TTC23: variants seen among roughly 807,000 people sequenced by gnomAD.
The protein encoded by TTC23 is tetratricopeptide repeat domain 23, also known as tetratricopeptide repeat protein 23.
Under a neutral mutation model 55.1 loss-of-function variants are expected in TTC23, and 58 were observed. The observed-to-expected ratio is 1.05, with a 90% CI of 0.85 to 1.31. TTC23 has a LOEUF of 1.31. Ranked by LOEUF, TTC23 falls within the 50% of genes most tolerant of loss-of-function variation. TTC23 has a pLI of 0.00. For synonymous variants in TTC23, 203 were observed against 199.9 expected, an observed-to-expected ratio of 1.02 and a Z score of -0.13; for missense variants, 516 against 534.4, an observed-to-expected ratio of 0.97 and a Z score of 0.34.
chr15:99,202,428 T>G (rs774117610), intron 8 of TTC23, among the ~76,000 whole-genome samples: 1 of 152,158 alleles, frequency 6.6e-6, no homozygotes, highest in Non-Finnish European at 1.5e-5. Context: ...GATAATTTCA[T>G]CTGGGCAACT....
chr15:99,191,461 G>A (rs760236137), intron 9 of TTC23, among the ~76,000 whole-genome samples: 4 of 152,190 alleles, frequency 2.6e-5, no homozygotes, highest in Non-Finnish European at 5.9e-5. Flanking sequence ...CACTTACATG[G>A]TTTGGCTCTG....
intron 9 of TTC23, among the ~76,000 whole-genome samples, chr15:99,199,449 T>C (rs1447402652): frequency 3.7e-5 from 5 of 133,564 alleles, no homozygotes; most frequent in Non-Finnish European, 6.3e-5. Flanking sequence ...AAAACCAAAG[T>C]GTGTGTGTTT....
intron 9 of TTC23, among the ~76,000 whole-genome samples, chr15:99,184,384 T>C (rs1173001210): frequency 1.3e-5 from 2 of 152,180 alleles, no homozygotes; most frequent in Non-Finnish European, 1.5e-5. Flanking sequence ...AGAGGGGGGT[T>C]GTACCCTGCA....
intron 5 of TTC23, among the ~76,000 whole-genome samples, chr15:99,227,214 G>A (rs535332790): frequency 6.6e-6 from 1 of 152,262 alleles, no homozygotes; most frequent in African/African-American, 2.4e-5. Context: ...TTGTTATACT[G>A]ATGAAGGTCA....
At chr15:99,244,030 C>T (rs1394838242) in intron 2 of TTC23, among the ~76,000 whole-genome samples, 1 of 152,100 alleles carries the variant, frequency 6.6e-6, no homozygotes, top group Admixed American at 6.5e-5. Flanking sequence ...CACAGATACC[C>T]ACTTACTCTG....
At chr15:99,175,521 C>T (rs537475120) in intron 9 of TTC23, among the ~76,000 whole-genome samples, 133 of 152,342 alleles carry the variant, frequency 8.7e-4, no homozygotes, top group African/African-American at 3.0e-3. Flanking sequence ...CAGTGCCCTG[C>T]CTACCCGCCA....
chr15:99,156,151 C>G lies in TTC23; in HGVS notation c.1140G>C (p.Lys380Asn), dbSNP rs2070524970. ...GNHSGARKKL[K>N]KCLQIQTLLY... Reference sequence around the variant, plus strand: ...TTAGTACTGGTTCCAGCTTTACCTTCTTCAGTTTCTTGCGGGCCCCACTGT... The same window carrying G: ...TTAGTACTGGTTCCAGCTTTACCTTGTTCAGTTTCTTGCGGGCCCCACTGT... The change falls in exon 12 of 14, where the codon AAG (lysine) becomes AAC (asparagine). Residue 380 changes from lysine to asparagine, a missense_variant. Transcript: ENST00000394132. 1 of 1,614,068 alleles carries G rather than the reference C, an allele frequency of 6.2e-7. No individual in the cohort carries two copies. Among genetic ancestry groups the G allele is most frequent in the African/African-American group, 1.3e-5 (1 of 74,918 alleles).
In TTC23 at chr15:99,180,745, T is replaced by C. The variant is rs548454631; in HGVS notation, c.760-5590A>G. Among the ~76,000 whole-genome samples the C allele has an allele frequency of 1.2e-3, 185 of 152,208 alleles. 1 individual carries two copies. The highest frequency in any genetic ancestry group is 4.8e-3 in the Admixed American group (73 of 15,282). On this transcript the variant is annotated intron_variant, in intron 9 of 13. Coordinates refer to ENST00000394132, the MANE Select transcript of TTC23 (RefSeq NM_001288615.3). Reference sequence around the variant, plus strand: ...TATTTTCCCCCCACTTTGTAATAATTTGGGGTTCAGTGACAGAGCAAAATC... The same window carrying C: ...TATTTTCCCCCCACTTTGTAATAATCTGGGGTTCAGTGACAGAGCAAAATC...
chr15:99,213,315 CTT>C (rs1214892060), intron 8 of TTC23, among the ~76,000 whole-genome samples: 2 of 152,160 alleles, frequency 1.3e-5, no homozygotes, highest in Non-Finnish European at 2.9e-5. Flanking sequence ...ACAAAAGTAA[CTT>C]TGTAGAATAG....
intron 1 of TTC23, among the ~76,000 whole-genome samples, 197 bp downstream of exon 1, chr15:99,248,974 C>G (rs1300889547): frequency 6.6e-6 from 1 of 152,056 alleles, no homozygotes; most frequent in Non-Finnish European, 1.5e-5. Context: ...TCAAGCAACT[C>G]TATTTTCTCC....
intron 2 of TTC23, among the ~76,000 whole-genome samples, chr15:99,243,118 AC>A (rs1422400347): frequency 6.6e-6 from 1 of 152,210 alleles, no homozygotes; most frequent in Admixed American, 6.5e-5. Context: ...GGGATTAATA[AC>A]CAGAATATAT....
intron 8 of TTC23, among the ~76,000 whole-genome samples, chr15:99,209,738 T>C (rs1275933672): frequency 3.3e-5 from 5 of 152,062 alleles, no homozygotes; most frequent in Non-Finnish European, 7.4e-5. Context: ...AAAAAATCAT[T>C]ATTATTATAT....
chr15:99,137,808 A>G lies in TTC23; in HGVS notation c.*202T>C, dbSNP rs1236257760. ...AGGTGATAGAAAACTGCTTTATAGC[A>G]TATATCACCCTGAAGGGCATCCACT... On this transcript the variant is annotated 3_prime_UTR_variant, in exon 14 of 14. Coordinates refer to ENST00000394132, the MANE Select transcript of TTC23 (RefSeq NM_001288615.3). 3.9e-6 allele frequency: 3 copies of G among 770,740 alleles called. No homozygotes were observed. Among genetic ancestry groups the G allele is most frequent in the Admixed American group, 3.0e-5 (1 of 33,694 alleles). The allele number at this position is 770,740 out of a possible 1,614,324, so 47.7% of individuals were successfully genotyped here.
At chr15:99,166,214 T>C (rs1490555606) in intron 10 of TTC23, among the ~76,000 whole-genome samples, 2 of 152,170 alleles carry the variant, frequency 1.3e-5, no homozygotes, top group Non-Finnish European at 1.5e-5. Context: ...CTGGCACGGG[T>C]GGACACAGCC....
intron 12 of TTC23, chr15:99,139,708 T>C: frequency 7.3e-7 from 1 of 1,364,612 alleles, no homozygotes. Context: ...GAGGATGGGC[T>C]CCAGTTTCTA....
At chr15:99,223,387 A>T (rs1194113264) in intron 5 of TTC23, among the ~76,000 whole-genome samples, 1 of 152,206 alleles carries the variant, frequency 6.6e-6, no homozygotes, top group Non-Finnish European at 1.5e-5. Context: ...TGGTATCCTT[A>T]TATATGAAGA....
intron 12 of TTC23, among the ~76,000 whole-genome samples, chr15:99,154,496 C>T (rs2070280843): frequency 6.6e-6 from 1 of 152,148 alleles, no homozygotes; most frequent in Non-Finnish European, 1.5e-5. Flanking sequence ...TGAGTTTGGC[C>T]TCCTTTTCTC....
intron 12 of TTC23, chr15:99,144,799 T>G (rs1444792714): frequency 6.6e-6 from 1 of 152,234 alleles, no homozygotes; most frequent in African/African-American, 2.4e-5. Context: ...AAAATTGCTC[T>G]AATGCTGAGG....
At chr15:99,242,712 C>G (rs759122104) in intron 2 of TTC23, among the ~76,000 whole-genome samples, 1 of 152,086 alleles carries the variant, frequency 6.6e-6, no homozygotes, top group Non-Finnish European at 1.5e-5. Flanking sequence ...ATACACTATA[C>G]AGTAGAATGT....
Sources: allele counts gnomAD v4.1 joint callset (sites outside exome capture counted in the v4.1 genomes callset), GRCh38; gene constraint gnomAD v4.1.1; transcripts MANE v1.5; gene names NCBI Gene and HGNC (gene_info 2026-07-23, HGNC 2026-07-21).